The following DRD2 variants were observed in gnomAD, a reference collection of about 807,000 sequenced individuals.
DRD2 encodes dopamine receptor D2, also known as D(2) dopamine receptor.
In DRD2, 8 loss-of-function variants were observed where a neutral mutation model predicts 38.0. The ratio of observed to expected loss-of-function variants is 0.21; its 90% CI spans 0.12 to 0.38. The LOEUF (loss-of-function observed/expected upper bound fraction) is 0.38, where lower values mean the gene tolerates loss of function less well. DRD2 is among the 10% of genes least tolerant of loss of function. DRD2 has a pLI of 1.00. For missense variants in DRD2, 403 were observed against 607.7 expected (o/e 0.66, Z 3.54); for synonymous variants, 230 against 238.6 (o/e 0.96, Z 0.33).
chr11:113,424,756 C>T (rs1261629102), intron 1 of DRD2, 74 bp from the exon 2 acceptor site: 7 of 1,394,594 alleles, frequency 5.0e-6, no homozygotes, highest in East Asian at 2.3e-5. Context: ...AAGACCAACT[C>T]CTGGCATTTA....
intron 2 of DRD2, among the ~76,000 whole-genome samples, chr11:113,419,349 G>A (rs762247207): frequency 5.3e-5 from 8 of 152,172 alleles, no homozygotes; most frequent in Non-Finnish European, 8.8e-5. Flanking sequence ...TGGGGTAGGC[G>A]GAGGGGTTGC....
chr11:113,413,352 CGTG>C, intron 6 of DRD2: 1 of 525,420 alleles, frequency 1.9e-6, no homozygotes, highest in Non-Finnish European at 3.8e-6. Flanking sequence ...TGCGTACACA[CGTG>C]GGCTCCATAT....
chr11:113,436,320 G>GA (rs928741149), intron 1 of DRD2, among the ~76,000 whole-genome samples: 1 of 151,512 alleles, frequency 6.6e-6, no homozygotes, highest in Non-Finnish European at 1.5e-5. Context: ...AAATTGCAAA[G>GA]AAAAAAAAGA....
chr11:113,411,614 G>A (rs17115475), intron 7 of DRD2: 11 of 152,580 alleles, frequency 7.2e-5, no homozygotes, highest in African/African-American at 2.6e-4. Context: ...ACAGGCACAG[G>A]AGGCATCCCT....
At chr11:113,411,363 G>T (rs966428912) in intron 7 of DRD2, among the ~76,000 whole-genome samples, 9 of 152,110 alleles carry the variant, frequency 5.9e-5, no homozygotes, top group African/African-American at 2.2e-4. Flanking sequence ...TCACTCTTGA[G>T]CAGCGAGGCT....
chr11:113,424,320 AG>A (rs1161802740), intron 2 of DRD2, 46 bp downstream of exon 2: 1 of 1,596,474 alleles, frequency 6.3e-7, no homozygotes, highest in Admixed American at 1.7e-5. Flanking sequence ...TGTCCAGTGC[AG>A]GGCCCTGCTG....
chr11:113,415,528 G>A lies in DRD2; in HGVS notation c.616C>T (p.Leu206=), dbSNP rs1950817074. The change falls in exon 5 of 8, where the codon CTG becomes TTG. Residue 206 remains leucine (L), a synonymous_variant. Transcript: ENST00000362072. ...ATGTAGATCTTGATGTAGACCAGCA[G>A]GGTGACAATGAAGGGCACGTAGAAG... ...VSFYVPFIVT[L]LVYIKIYIVL... 1.2e-6 allele frequency: 2 copies of A among 1,613,966 alleles called. No homozygotes were observed. The highest frequency in any genetic ancestry group is 1.7e-6 in the Non-Finnish European group (2 of 1,180,014).
chr11:113,441,626 C>T (rs1951093102), intron 1 of DRD2, among the ~76,000 whole-genome samples: 1 of 152,166 alleles, frequency 6.6e-6, no homozygotes, highest in Non-Finnish European at 1.5e-5. Flanking sequence ...ACAAGGCACA[C>T]ACCGATTGAA....
intron 1 of DRD2, among the ~76,000 whole-genome samples, chr11:113,470,867 C>A (rs1174681285): frequency 6.6e-6 from 1 of 152,182 alleles, no homozygotes; most frequent in African/African-American, 2.4e-5. Context: ...ATCTCTGACT[C>A]CTCCCTATAC....
chr11:113,417,345 G>C (rs1172983027), intron 3 of DRD2, among the ~76,000 whole-genome samples: 2 of 152,196 alleles, frequency 1.3e-5, no homozygotes, highest in African/African-American at 2.4e-5. Context: ...GAGCCCATAA[G>C]GTGGAAATGT....
chr11:113,462,104 T>A (rs1370929725), intron 1 of DRD2, among the ~76,000 whole-genome samples: 2 of 152,220 alleles, frequency 1.3e-5, no homozygotes, highest in African/African-American at 4.8e-5. Flanking sequence ...TTCTTTCTTG[T>A]CCTCATTTGC....
At chr11:113,418,951 C>T (rs143239385) in intron 2 of DRD2, among the ~76,000 whole-genome samples, 31 of 152,322 alleles carry the variant, frequency 2.0e-4, no homozygotes, top group East Asian at 9.6e-4. Context: ...TTGTGTATCA[C>T]GTTAAACTCT....
At chr11:113,436,214 C>T (rs985461250) in intron 1 of DRD2, among the ~76,000 whole-genome samples, 3 of 152,032 alleles carry the variant, frequency 2.0e-5, no homozygotes, top group Non-Finnish European at 2.9e-5. Flanking sequence ...ACCTCAAAGA[C>T]GAATTGAAGG....
At chr11:113,467,168 C>G (rs984325606) in intron 1 of DRD2, among the ~76,000 whole-genome samples, 3 of 152,126 alleles carry the variant, frequency 2.0e-5, no homozygotes, top group Non-Finnish European at 2.9e-5. Flanking sequence ...GTTGAAAGGG[C>G]TGAGTCCAAA....
intron 1 of DRD2, among the ~76,000 whole-genome samples, chr11:113,457,866 C>A (rs1275483548): frequency 6.6e-6 from 1 of 152,240 alleles, no homozygotes; most frequent in African/African-American, 2.4e-5. Context: ...CTCATTAGAG[C>A]CAGGGCCAAT....
chr11:113,434,357 G>T (rs1951016804), intron 1 of DRD2, among the ~76,000 whole-genome samples: 1 of 152,196 alleles, frequency 6.6e-6, no homozygotes, highest in East Asian at 1.9e-4. Flanking sequence ...TCATTCAAGG[G>T]TGAAGGGGCC....
intron 2 of DRD2, among the ~76,000 whole-genome samples, chr11:113,420,089 A>G (rs2138172000): frequency 6.6e-6 from 1 of 152,212 alleles, no homozygotes; most frequent in Middle Eastern, 3.4e-3. Flanking sequence ...TGGGCAGAAA[A>G]CCAGCACTAC....
At chr11:113,413,982 G>A (rs1950796517) in intron 6 of DRD2, 1 of 336,326 alleles carries the variant, frequency 3.0e-6, no homozygotes, top group South Asian at 2.4e-5. Context: ...TGAGACGGGT[G>A]AGTTGCCTAA....
At position 113,410,918 on chromosome 11, in the gene DRD2, C is replaced by T. The variant is rs200352240; in HGVS notation, c.1141G>A (p.Val381Met). Residue 381 changes from valine to methionine, a missense_variant and splice_region_variant, in exon 8 of 8, where the codon GTG (valine) becomes ATG (methionine). By Grantham distance (21) the Val-to-Met change is conservative. This residue lies in a region of DRD2 where 67 missense variants were observed against 136.1 expected (regional missense o/e 0.49). Coordinates refer to ENST00000362072, the MANE Select transcript of DRD2 (RefSeq NM_000795.4). ...ATQMLAIVLG[V>M]FIICWLPFFI... ...AAGGGCAGCCAGCAGATGATGAACA[C>T]GCCTGGGGGAGAGGGCATGGTCAGG... 21 of 1,608,840 alleles carry T rather than the reference C, an allele frequency of 1.3e-5. No individual in the cohort carries two copies. The highest frequency in any genetic ancestry group is 4.0e-5 in the African/African-American group (3 of 74,832).
Sources: allele counts gnomAD v4.1 joint callset (sites outside exome capture counted in the v4.1 genomes callset), GRCh38; gene constraint gnomAD v4.1.1; regional missense constraint gnomAD v4.1.1; transcripts MANE v1.5; gene names NCBI Gene and HGNC (gene_info 2026-07-23, HGNC 2026-07-21).